HMGN5: variants seen among roughly 807,000 people sequenced by gnomAD.
HMGN5 encodes the protein high mobility group nucleosome binding domain 5.
Under a neutral mutation model 9.5 loss-of-function variants are expected in HMGN5, and 4 were observed. That is an observed-to-expected ratio of 0.42 (90% CI 0.21 to 0.96). The LOEUF (loss-of-function observed/expected upper bound fraction) is 0.96, where lower values mean the gene tolerates loss of function less well. Among genes scored for constraint, HMGN5 ranks in the 40% least tolerant of loss-of-function variants. The pLI is 0.30. For missense variants in HMGN5, 192 were observed against 187.5 expected (o/e 1.02, Z -0.14); for synonymous variants, 55 against 57.1 (o/e 0.96, Z 0.16).
intron 1 of HMGN5, among the ~76,000 whole-genome samples, chrX:81,153,254 A>G (rs1026407728): frequency 9.2e-6 from 1 of 108,642 alleles, no homozygotes; most frequent in Admixed American, 9.9e-5. Flanking sequence ...GAGTTCAATA[A>G]TACACTAAAA....
intron 1 of HMGN5, among the ~76,000 whole-genome samples, chrX:81,140,559 CAAAAA>C (rs1227925535): frequency 5.9e-5 from 2 of 33,630 alleles, no homozygotes; most frequent in Non-Finnish European, 4.8e-5. Context: ...GACTCTGTCT[CAAAAA>C]AAAAAAAAAA....
chrX:81,130,710 A>G (rs779721370), intron 1 of HMGN5, among the ~76,000 whole-genome samples: 6 of 110,671 alleles, frequency 5.4e-5, no homozygotes, highest in African/African-American at 2.0e-4. Context: ...CAATGCTTGT[A>G]GAACGTAATT....
At chrX:81,143,986 G>A (rs949922938) in intron 1 of HMGN5, among the ~76,000 whole-genome samples, 20 of 111,881 alleles carry the variant, frequency 1.8e-4, no homozygotes, top group Admixed American at 8.5e-4. Flanking sequence ...TGAAAAAAAG[G>A]CAGCCGCCCA....
At chrX:81,131,341 G>A (rs1011509305) in intron 1 of HMGN5, among the ~76,000 whole-genome samples, 9 of 111,291 alleles carry the variant, frequency 8.1e-5, no homozygotes, top group Non-Finnish European at 3.8e-5. Context: ...TTCTTAGGCA[G>A]TGGTGAATGG....
At chrX:81,200,801 A>G (rs751972523) in intron 1 of HMGN5, among the ~76,000 whole-genome samples, 104 of 111,405 alleles carry the variant, frequency 9.3e-4, no homozygotes, top group African/African-American at 3.3e-3. Flanking sequence ...GCACATGTAT[A>G]CCTATGTAAC....
chrX:81,152,661 C>A (rs1300749241), intron 1 of HMGN5, among the ~76,000 whole-genome samples: 1 of 110,873 alleles, frequency 9.0e-6, no homozygotes, highest in African/African-American at 3.3e-5. Flanking sequence ...GCCCAAAGGA[C>A]TATAAATCAT....
chrX:81,152,930 A>G (rs1321777824), intron 1 of HMGN5, among the ~76,000 whole-genome samples: 7 of 96,749 alleles, frequency 7.2e-5, no homozygotes, highest in Non-Finnish European at 1.4e-4. Context: ...TCACTCTTAG[A>G]TGGGAATTGA....
chrX:81,149,824 T>A (rs2075355943), intron 1 of HMGN5, among the ~76,000 whole-genome samples: 1 of 112,107 alleles, frequency 8.9e-6, no homozygotes, highest in African/African-American at 3.2e-5. Flanking sequence ...GGTTACTATA[T>A]AATCATAAAG....
chrX:81,155,556 A>G (rs991726163), intron 1 of HMGN5, among the ~76,000 whole-genome samples: 1 of 111,257 alleles, frequency 9.0e-6, no homozygotes, highest in Non-Finnish European at 1.9e-5. Context: ...CATCTATACC[A>G]TGGAATACTA....
At chrX:81,162,572 A>C (rs1302030144) in intron 1 of HMGN5, among the ~76,000 whole-genome samples, 1 of 111,316 alleles carries the variant, frequency 9.0e-6, no homozygotes, top group African/African-American at 3.3e-5. Flanking sequence ...CAGTCTTTCC[A>C]TCCCCTCTTC....
intron 1 of HMGN5, among the ~76,000 whole-genome samples, chrX:81,199,559 CT>C (rs1373066823): frequency 5.4e-5 from 6 of 111,594 alleles, no homozygotes; most frequent in African/African-American, 1.6e-4. Flanking sequence ...GAACAGAGGT[CT>C]CAGAAATAAC....
intron 1 of HMGN5, among the ~76,000 whole-genome samples, chrX:81,135,920 A>G (rs1196920779): frequency 9.0e-6 from 1 of 111,136 alleles, no homozygotes; most frequent in African/African-American, 3.3e-5. Flanking sequence ...GTCCTCATGA[A>G]ACTGAATCAG....
chrX:81,123,273 A>T (rs898711618), intron 1 of HMGN5, among the ~76,000 whole-genome samples: 8 of 110,677 alleles, frequency 7.2e-5, no homozygotes, highest in African/African-American at 2.6e-4. Context: ...ATAGTATGGA[A>T]TTACATAGAT....
chrX:81,117,335 A>G (rs749271651), intron 5 of HMGN5, among the ~76,000 whole-genome samples: 3 of 98,109 alleles, frequency 3.1e-5, no homozygotes, highest in East Asian at 3.5e-4. Context: ...GCTCACTGCA[A>G]CCTCCTCCTC....
intron 1 of HMGN5, among the ~76,000 whole-genome samples, chrX:81,192,933 A>G (rs1390611621): frequency 9.1e-6 from 1 of 109,535 alleles, no homozygotes; most frequent in Non-Finnish European, 1.9e-5. Flanking sequence ...GTGCTTTTCT[A>G]GTCTTTAGTT....
At chrX:81,154,284 T>C (rs761434692) in intron 1 of HMGN5, among the ~76,000 whole-genome samples, 74 of 111,666 alleles carry the variant, frequency 6.6e-4, no homozygotes, top group African/African-American at 2.2e-3. Context: ...CTTCAATATA[T>C]GGTGCTGGGA....
At chrX:81,140,559 CAAAAAAAAAA>C (rs1227925535) in intron 1 of HMGN5, among the ~76,000 whole-genome samples, 1 of 33,632 alleles carries the variant, frequency 3.0e-5, no homozygotes, top group Non-Finnish European at 4.8e-5. Context: ...GACTCTGTCT[CAAAAAAAAAA>C]AAAAAAAAAA....
chrX:81,124,943 T>G (rs772190199), intron 1 of HMGN5, among the ~76,000 whole-genome samples: 2 of 110,727 alleles, frequency 1.8e-5, no homozygotes, highest in African/African-American at 3.3e-5. Context: ...CAGGAAGATA[T>G]GAAAATTTAT....
intron 1 of HMGN5, among the ~76,000 whole-genome samples, chrX:81,123,643 G>A (rs754295173): frequency 3.4e-4 from 38 of 112,162 alleles, no homozygotes; most frequent in Non-Finnish European, 6.0e-4. Context: ...TTTGTGAGTC[G>A]GATTTTGTTT....
Sources: gnomAD v4.1 joint callset for allele counts (sites outside exome capture counted in the v4.1 genomes callset) on GRCh38, gnomAD v4.1.1 for gene constraint, MANE v1.5 for transcripts, NCBI Gene and HGNC (gene_info 2026-07-23, HGNC 2026-07-21) for gene names.